SUGT1: variants seen among roughly 807,000 people sequenced by gnomAD.
The protein encoded by SUGT1 is protein SGT1 homolog.
Under a neutral mutation model 56.1 loss-of-function variants are expected in SUGT1, and 15 were observed. The ratio of observed to expected loss-of-function variants is 0.27; its 90% confidence interval spans 0.18 to 0.41. The LOEUF (loss-of-function observed/expected upper bound fraction) is 0.41. SUGT1 is among the 10% of genes least tolerant of loss of function. The pLI is 1.00. For missense variants in SUGT1, 347 were observed against 382.2 expected (o/e 0.91, Z 0.77); for synonymous variants, 123 against 128.6 (o/e 0.96, Z 0.30).
intron 8 of SUGT1, among the ~76,000 whole-genome samples, chr13:52,665,389 ACCCAGAAAAT>A (rs1594237227): frequency 6.6e-6 from 1 of 152,216 alleles, no homozygotes; most frequent in Non-Finnish European, 1.5e-5. Flanking sequence ...ATGAGTCAGA[ACCCAGAAAAT>A]CATGCAAGTA....
chr13:52,657,490 C>T, intron 2 of SUGT1, 42 bp from the exon 3 acceptor site: 1 of 1,548,024 alleles, frequency 6.5e-7, no homozygotes. Flanking sequence ...TTGATGGCTT[C>T]TTACAAACTT....
rs907143263 is a variant in SUGT1, at chr13:52,676,392, A to G, written c.718+72A>G. The G allele has an allele frequency of 7.3e-6, 9 of 1,234,590 alleles. No individual in the cohort carries two copies. In the African/African-American group the frequency reaches 1.1e-4, roughly 15 times the overall value. The allele number at this position is 1,234,590 out of a possible 1,614,324, so 76.5% of individuals were successfully genotyped here. A position where few individuals can be genotyped will look rare whatever the true frequency, so the allele number is the denominator to read the frequency against. On this transcript the variant is annotated intron_variant, in intron 11 of 12. Transcript: ENST00000310528. ...TAATTGAAATTAAATAGTAATGAAC[A>G]TTCTTTTTACTTTCATTATTTATGT...
In SUGT1 at chr13:52,690,636, A is replaced by C. The variant is rs1315915983; in HGVS notation, c.*2801A>C. ...AATAATCTGCTTTTTGAACTCTGCT[A>C]TCTAGTAATCTCTTTAGATATCTAT... On this transcript the variant is annotated 3_prime_UTR_variant, in exon 13 of 13. Coordinates refer to ENST00000310528, the MANE Select transcript of SUGT1 (RefSeq NM_006704.5). 1 of 152,156 alleles carries C rather than the reference A, an allele frequency of 6.6e-6. No homozygotes were observed. Among genetic ancestry groups the C allele is most frequent in the South Asian group, 2.1e-4 (1 of 4,818 alleles). The allele number at this position is 152,156 out of a possible 1,614,324, so 9.4% of individuals were successfully genotyped here. A position where few individuals can be genotyped will look rare whatever the true frequency, so the allele number is the denominator to read the frequency against.
rs1963961601 is a variant in SUGT1 at position 52,697,087 on chromosome 13, C to CG, written c.*9252_*9253insG. On this transcript the variant is annotated 3_prime_UTR_variant, in exon 13 of 13. Coordinates refer to ENST00000310528, the MANE Select transcript of SUGT1 (RefSeq NM_006704.5). ...GCATGGTCGCAGCTCACTGCAGCCT[C>CG]CGTCTTCTGGGCTCAAGCAATCCTC... is the stretch of plus-strand genomic sequence containing the variant. 2 of 152,066 alleles carry CG rather than the reference C, an allele frequency of 1.3e-5. No individual in the cohort carries two copies. Among genetic ancestry groups the CG allele is most frequent in the Admixed American group, 1.3e-4 (2 of 15,254 alleles). 9.4% of individuals were successfully genotyped at this position (152,066 alleles called of 1,614,324 possible).
intron 8 of SUGT1, 58 bp downstream of exon 8, chr13:52,664,115 C>A: frequency 6.5e-7 from 1 of 1,533,554 alleles, no homozygotes; most frequent in Non-Finnish European, 9.0e-7. Context: ...GAGGAAGAAA[C>A]CCTGTAGTTT....
rs145267034 is a variant in SUGT1 at position 52,680,749 on chromosome 13, A to G, written c.900+594A>G. ...GACATATTTACAGTAGAAAGTTAAA[A>G]TTAGTATTTTAATTTAATATTTAGT... On this transcript the variant is annotated intron_variant, in intron 12 of 12. Transcript: ENST00000310528. Among the ~76,000 whole-genome samples, 821 of 152,334 alleles carry G rather than the reference A, an allele frequency of 5.4e-3. 3 individuals are homozygous for G. Among genetic ancestry groups the G allele is most frequent in the Non-Finnish European group, 7.3e-3 (499 of 68,030 alleles).
intron 5 of SUGT1, 109 bp from the exon 6 acceptor site, chr13:52,662,540 C>CGAAGACA: frequency 2.9e-6 from 3 of 1,041,476 alleles, no homozygotes; most frequent in South Asian, 1.7e-5. Context: ...TCGCTGCCGA[C>CGAAGACA]TCCCCAGTGC....
In SUGT1 at chr13:52,696,117, T is replaced by A. The variant is rs1338296187; in HGVS notation, c.*8282T>A. 3 of 152,340 alleles carry A rather than the reference T, an allele frequency of 2.0e-5. No individual in the cohort carries two copies. Among genetic ancestry groups the A allele is most frequent in the Admixed American group, 1.3e-4 (2 of 15,286 alleles). 9.4% of individuals were successfully genotyped at this position (152,340 alleles called of 1,614,324 possible). A position where few individuals can be genotyped will look rare whatever the true frequency, so the allele number is the denominator to read the frequency against. On this transcript the variant is annotated 3_prime_UTR_variant, in exon 13 of 13. Coordinates refer to ENST00000310528, the MANE Select transcript of SUGT1 (RefSeq NM_006704.5). ...CAGTTGGTTCATTTCTTCCCCCGTG[T>A]GACTGAGTTTCTTGAGGGCGCGGTC...
rs1407429740 is a variant in SUGT1 at position 52,688,219 on chromosome 13, CACCTT to C, written c.*385_*389del. On this transcript the variant is annotated 3_prime_UTR_variant, in exon 13 of 13. Coordinates refer to ENST00000310528, the MANE Select transcript of SUGT1 (RefSeq NM_006704.5). The stretch of plus-strand genomic sequence containing the variant: ...CAGCTTTGGGTGAGCTTAGATTTTT[CACCTT>C]CAGTGTTACATTGTGTTTGCTTTTA... 1 of 153,332 alleles carries C rather than the reference CACCTT, an allele frequency of 6.5e-6. No individual in the cohort carries two copies. The highest frequency in any genetic ancestry group is 1.5e-5 in the Non-Finnish European group (1 of 68,578). 9.5% of individuals were successfully genotyped at this position (153,332 alleles called of 1,614,324 possible).
intron 12 of SUGT1, among the ~76,000 whole-genome samples, chr13:52,684,567 C>A (rs935109111): frequency 6.6e-6 from 1 of 152,048 alleles, no homozygotes; most frequent in Non-Finnish European, 1.5e-5. Context: ...GAGACAGGGT[C>A]TCCCTCTGTC....
chr13:52,665,769 T>C, intron 9 of SUGT1, 36 bp downstream of exon 9: 1 of 1,437,932 alleles, frequency 7.0e-7, no homozygotes, highest in Non-Finnish European at 9.6e-7. Context: ...TGTTGATTAC[T>C]ATTATTTGCA....
chr13:52,663,796 T>G (rs957852751), intron 7 of SUGT1, among the ~76,000 whole-genome samples: 1 of 152,234 alleles, frequency 6.6e-6, no homozygotes, highest in Non-Finnish European at 1.5e-5. Context: ...AAAAATCTTT[T>G]ATGAAATTCA....
At chr13:52,667,629 A>G (rs115321923) in intron 10 of SUGT1, among the ~76,000 whole-genome samples, 2,341 of 152,304 alleles carry the variant, frequency 0.015, 60 homozygotes, top group African/African-American at 0.053. Flanking sequence ...AACAATGAGT[A>G]AATTATAGTT....
At chr13:52,678,853 A>ATTT (rs200247589) in intron 11 of SUGT1, among the ~76,000 whole-genome samples, 17 of 149,232 alleles carry the variant, frequency 1.1e-4, no homozygotes, top group Admixed American at 2.7e-4. Context: ...AATTATTATT[A>ATTT]TTTTTTTTTC....
rs762487776 is a variant in SUGT1 at position 52,697,902 on chromosome 13, G to C, written c.*10067G>C. ...TCATGGAGCTTAGCTTGTGGTGGTGGAAAGAAGCCCTCAGCCTGAATACTC... is the reference window on the plus strand; with the variant it reads ...TCATGGAGCTTAGCTTGTGGTGGTGCAAAGAAGCCCTCAGCCTGAATACTC... On this transcript the variant is annotated 3_prime_UTR_variant, in exon 13 of 13. Transcript: ENST00000310528. The C allele has an allele frequency of 2.0e-5, 3 of 152,296 alleles. No individual in the cohort carries two copies. Among genetic ancestry groups the C allele is most frequent in the Non-Finnish European group, 4.4e-5 (3 of 68,034 alleles). 9.4% of individuals were successfully genotyped at this position (152,296 alleles called of 1,614,324 possible).
chr13:52,661,765 G>T (rs964946), intron 5 of SUGT1, among the ~76,000 whole-genome samples: 143,967 of 152,288 alleles, frequency 0.95, 68,070 homozygotes, highest in East Asian at 0.99. Context: ...TGATACAATA[G>T]TTCTCTAGAA....
intron 10 of SUGT1, among the ~76,000 whole-genome samples, chr13:52,668,572 G>A (rs1175483183): frequency 6.6e-6 from 1 of 152,072 alleles, no homozygotes; most frequent in African/African-American, 2.4e-5. Context: ...TAGCTGCTTG[G>A]GACAATAGAA....
chr13:52,683,118 C>T (rs1311063446), intron 12 of SUGT1, among the ~76,000 whole-genome samples: 2 of 152,100 alleles, frequency 1.3e-5, no homozygotes, highest in African/African-American at 4.8e-5. Flanking sequence ...TGCTATATTT[C>T]ACTGGCTGCA....
intron 8 of SUGT1, among the ~76,000 whole-genome samples, chr13:52,665,185 T>C (rs1422794258): frequency 1.3e-5 from 2 of 152,218 alleles, no homozygotes; most frequent in African/African-American, 2.4e-5. Context: ...GCTTGGAGTG[T>C]TGACTCAGGC....
Sources: allele counts gnomAD v4.1 joint callset (sites outside exome capture counted in the v4.1 genomes callset), GRCh38; gene constraint gnomAD v4.1.1; transcripts MANE v1.5; gene names NCBI Gene and HGNC (gene_info 2026-07-23, HGNC 2026-07-21).